The following PREX2 variants were observed in gnomAD, a reference collection of about 807,000 sequenced individuals.
PREX2 encodes phosphatidylinositol-3,4,5-trisphosphate dependent Rac exchange factor 2, also known as phosphatidylinositol 3,4,5-trisphosphate-dependent Rac exchanger 2 protein.
Under a neutral mutation model 203.2 loss-of-function variants are expected in PREX2, and 107 were observed. That is an observed-to-expected ratio of 0.53 (90% CI 0.45 to 0.62). PREX2 has a LOEUF of 0.62. Among genes scored for constraint, PREX2 ranks in the 20% least tolerant of loss-of-function variants. The pLI is 0.00. For missense variants in PREX2, 1,777 were observed against 1,955.9 expected, an observed-to-expected ratio of 0.91 and a Z score of 1.72; for synonymous variants, 672 against 663.6, an observed-to-expected ratio of 1.01 and a Z score of -0.19.
intron 1 of PREX2, among the ~76,000 whole-genome samples, chr8:68,010,599 ATCT>A (rs1807230659): frequency 6.6e-6 from 1 of 152,172 alleles, no homozygotes; most frequent in Non-Finnish European, 1.5e-5. Context: ...CCTGCATGTA[ATCT>A]TCTCCACCTC....
intron 35 of PREX2, among the ~76,000 whole-genome samples, chr8:68,176,610 A>C (rs897363524): frequency 3.3e-5 from 5 of 152,300 alleles, no homozygotes; most frequent in Middle Eastern, 3.4e-3. Flanking sequence ...ACAGACTGTC[A>C]TGAGCATTAG....
intron 31 of PREX2, among the ~76,000 whole-genome samples, chr8:68,130,114 C>CAAAAAAAAAAAA (rs71253064): frequency 9.7e-6 from 1 of 102,668 alleles, no homozygotes; most frequent in African/African-American, 3.8e-5. Flanking sequence ...CCTGCCTCTG[C>CAAAAAAAAAAAA]AAAAAAAAAA....
At chr8:67,976,337 C>T (rs1806083502) in intron 1 of PREX2, among the ~76,000 whole-genome samples, 1 of 151,986 alleles carries the variant, frequency 6.6e-6, no homozygotes, top group Non-Finnish European at 1.5e-5. Flanking sequence ...TGTGAGATGC[C>T]TCAGCCATGT....
intron 35 of PREX2, among the ~76,000 whole-genome samples, chr8:68,189,005 A>G (rs1251044320): frequency 6.6e-6 from 1 of 152,240 alleles, no homozygotes; most frequent in Non-Finnish European, 1.5e-5. Flanking sequence ...GAGGATTTGC[A>G]TTCTAGTGGG....
At chr8:67,956,776 A>G (rs1277168400) in intron 1 of PREX2, among the ~76,000 whole-genome samples, 1 of 152,242 alleles carries the variant, frequency 6.6e-6, no homozygotes, top group African/African-American at 2.4e-5. Context: ...ACCAGAATGC[A>G]TGGCTAGTCC....
chr8:68,010,771 A>G (rs1355078107), intron 1 of PREX2, among the ~76,000 whole-genome samples: 1 of 152,166 alleles, frequency 6.6e-6, no homozygotes, highest in Non-Finnish European at 1.5e-5. Context: ...CTAGGTGTGT[A>G]GGGGAGGAAG....
chr8:68,003,208 G>A (rs1806994165), intron 1 of PREX2, among the ~76,000 whole-genome samples: 1 of 152,002 alleles, frequency 6.6e-6, no homozygotes, highest in Non-Finnish European at 1.5e-5. Context: ...AGGTGGTGAT[G>A]TATCTCTTTG....
intron 1 of PREX2, among the ~76,000 whole-genome samples, chr8:67,958,239 TA>T (rs1585652887): frequency 6.6e-6 from 1 of 152,154 alleles, no homozygotes; most frequent in Non-Finnish European, 1.5e-5. Flanking sequence ...ACTAGAGCCA[TA>T]AGCAAAGTCA....
intron 35 of PREX2, among the ~76,000 whole-genome samples, chr8:68,166,480 A>C (rs1811763056): frequency 6.6e-6 from 1 of 152,204 alleles, no homozygotes; most frequent in Non-Finnish European, 1.5e-5. Context: ...CTGAATAAAC[A>C]CTTTGATTAG....
intron 22 of PREX2, among the ~76,000 whole-genome samples, chr8:68,097,447 C>G (rs893109688): frequency 1.3e-5 from 2 of 152,042 alleles, no homozygotes; most frequent in East Asian, 1.9e-4. Flanking sequence ...GCCTCAGTCT[C>G]CCAAGTAGCT....
At chr8:68,192,685 A>G (rs1812321742) in intron 37 of PREX2, 160 bp downstream of exon 37, 3 of 547,996 alleles carry the variant, frequency 5.5e-6, no homozygotes, top group Admixed American at 3.9e-5. Flanking sequence ...TAATTCTTGT[A>G]TTTTCAGTGA....
At chr8:68,117,361 A>G (rs1213149463) in intron 26 of PREX2, among the ~76,000 whole-genome samples, 1 of 152,206 alleles carries the variant, frequency 6.6e-6, no homozygotes, top group Non-Finnish European at 1.5e-5. Context: ...TCCAATTTCT[A>G]TGTTTCCAAA....
intron 6 of PREX2, among the ~76,000 whole-genome samples, chr8:68,036,070 G>C (rs1808019917): frequency 6.6e-6 from 1 of 152,122 alleles, no homozygotes; most frequent in Non-Finnish European, 1.5e-5. Context: ...TTGATCAGGA[G>C]TGAGGAGCTG....
intron 35 of PREX2, among the ~76,000 whole-genome samples, chr8:68,181,583 T>G (rs924640002): frequency 7.2e-5 from 11 of 152,258 alleles, no homozygotes; most frequent in Admixed American, 6.6e-4. Flanking sequence ...ATTTATAAGA[T>G]AAATAGTGAA....
chr8:68,170,510 T>C (rs187015107), intron 35 of PREX2, among the ~76,000 whole-genome samples: 85 of 152,362 alleles, frequency 5.6e-4, no homozygotes, highest in African/African-American at 1.7e-3. Flanking sequence ...TCATCCTAGT[T>C]GCCTGGAGAA....
At chr8:68,098,102 G>T (rs560901743) in intron 22 of PREX2, among the ~76,000 whole-genome samples, 11 of 152,252 alleles carry the variant, frequency 7.2e-5, no homozygotes, top group Admixed American at 3.3e-4. Context: ...TGGTAAAGAG[G>T]CAACTGCTGG....
chr8:68,002,210 T>C (rs950996002), intron 1 of PREX2, among the ~76,000 whole-genome samples: 3 of 150,414 alleles, frequency 2.0e-5, no homozygotes, highest in African/African-American at 7.3e-5. Flanking sequence ...TGCAGTGGCA[T>C]GATCTTGGTT....
At chr8:68,125,052 T>C (rs1359430253) in intron 30 of PREX2, among the ~76,000 whole-genome samples, 1 of 152,090 alleles carries the variant, frequency 6.6e-6, no homozygotes, top group African/African-American at 2.4e-5. Flanking sequence ...TTCATCTCAA[T>C]GGACTATGCA....
chr8:68,209,551 G>A (rs1404596), intron 37 of PREX2, among the ~76,000 whole-genome samples: 2 of 151,920 alleles, frequency 1.3e-5, no homozygotes, highest in African/African-American at 4.8e-5. Context: ...ATTTTCCCCA[G>A]GGGAATTGAA....
Sources: allele counts gnomAD v4.1 joint callset (sites outside exome capture counted in the v4.1 genomes callset), GRCh38; gene constraint gnomAD v4.1.1; transcripts MANE v1.5; gene names NCBI Gene and HGNC (gene_info 2026-07-23, HGNC 2026-07-21).